Variants in RNF38 observed in about 807,000 individuals in gnomAD.
RNF38 encodes ring finger protein 38.
A neutral mutation model predicts 67.2 loss-of-function variants in RNF38; 15 were observed. That is an observed-to-expected ratio of 0.22 (90% confidence interval 0.15 to 0.34). The LOEUF is 0.34. Among genes scored for constraint, RNF38 ranks in the 10% least tolerant of loss-of-function variants. The probability of loss-of-function intolerance (pLI) is 1.00; values close to 1 mark genes in which losing one functional copy is unlikely to be tolerated. For missense variants in RNF38, 524 were observed against 639.9 expected (o/e 0.82, Z 1.95); for synonymous variants, 220 against 218.8 (o/e 1.01, Z -0.05).
chr9:36,432,061 CCTT>C (rs1838944216), intron 1 of RNF38, among the ~76,000 whole-genome samples: 1 of 152,178 alleles, frequency 6.6e-6, no homozygotes, highest in Non-Finnish European at 1.5e-5. Flanking sequence ...GTGGTCCACT[CCTT>C]GAGTTGTGAG....
At chr9:36,382,403 C>A (rs1327950930) in intron 2 of RNF38, among the ~76,000 whole-genome samples, 4 of 152,130 alleles carry the variant, frequency 2.6e-5, no homozygotes, top group Admixed American at 2.6e-4. Context: ...TAACACCAAA[C>A]CATTTTTATT....
chr9:36,368,598 T>C (rs140366899), intron 4 of RNF38, among the ~76,000 whole-genome samples: 2 of 152,338 alleles, frequency 1.3e-5, no homozygotes, highest in East Asian at 3.9e-4. Context: ...TTTATATCCA[T>C]ACTTTTATCA....
At chr9:36,397,215 AAGC>A (rs1160874755) in intron 1 of RNF38, among the ~76,000 whole-genome samples, 1 of 151,478 alleles carries the variant, frequency 6.6e-6, no homozygotes, top group Non-Finnish European at 1.5e-5. Flanking sequence ...TCCTGGGTTC[AAGC>A]AATTCTCCTG....
At position 36,423,482 on chromosome 9, in the gene RNF38, G is replaced by A. The variant is rs917776506; in HGVS notation, n.312+1131C>T. On this transcript the variant is annotated intron_variant and non_coding_transcript_variant, in intron 2 of 3. Coordinates refer to the RNF38 transcript ENST00000488058. The stretch of plus-strand genomic sequence containing the variant: ...ATTGGTCTGCACTGGAAACTACCAA[G>A]GGAGTGATAGATTCCTGCATATAAC... Among the ~76,000 whole-genome samples, 20 of 152,336 alleles carry A rather than the reference G, an allele frequency of 1.3e-4. 1 individual carries two copies. Among genetic ancestry groups the A allele is most frequent in the Admixed American group, 2.6e-4 (4 of 15,286 alleles).
At chr9:36,397,033 G>GTATATACACATGTA (rs1837569228) in intron 1 of RNF38, among the ~76,000 whole-genome samples, 2 of 143,890 alleles carry the variant, frequency 1.4e-5, no homozygotes, top group African/African-American at 5.2e-5. Flanking sequence ...GTGTATATAC[G>GTATATACACATGTA]TATATACGTA....
intron 4 of RNF38, among the ~76,000 whole-genome samples, chr9:36,364,062 TCA>T (rs1360861747): frequency 6.1e-4 from 26 of 42,642 alleles, no homozygotes; most frequent in Non-Finnish European, 1.4e-3. Flanking sequence ...ACTCTTGACC[TCA>T]AGGGATCTGC....
intron 2 of RNF38, among the ~76,000 whole-genome samples, chr9:36,421,971 C>T (rs1838640296): frequency 1.3e-5 from 2 of 152,168 alleles, no homozygotes; most frequent in African/African-American, 4.8e-5. Context: ...GTGGCTCACA[C>T]CTGTAATCCA....
chr9:36,431,466 T>C (rs1402487729), intron 1 of RNF38, among the ~76,000 whole-genome samples: 1 of 152,242 alleles, frequency 6.6e-6, no homozygotes, highest in Non-Finnish European at 1.5e-5. Flanking sequence ...GTCATATACA[T>C]AGTCCCTCTT....
In RNF38 at chr9:36,423,308, T is replaced by C. The variant is rs1398250738; in HGVS notation, n.312+1305A>G. 2.0e-5 allele frequency among the ~76,000 whole-genome samples: 3 copies of C among 152,258 alleles called. No homozygotes were observed. The East Asian group carries it at 5.8e-4, about 29-fold the overall frequency. ...CTCTCTGTAAAGAGAGTGAAATCAG[T>C]CTGAACAAAGCTCACAAAGACAGAG... On this transcript the variant is annotated intron_variant and non_coding_transcript_variant, in intron 2 of 3. Coordinates refer to the RNF38 transcript ENST00000488058.
At chr9:36,397,612 C>T (rs2243901) in intron 1 of RNF38, among the ~76,000 whole-genome samples, 8,196 of 152,084 alleles carry the variant, frequency 0.054, 699 homozygotes, top group African/African-American at 0.18. Context: ...TGTGTGAAAA[C>T]AGCCTAAGGC....
chr9:36,480,544 T>C (rs1443118252), intron 1 of RNF38, among the ~76,000 whole-genome samples: 1 of 123,602 alleles, frequency 8.1e-6, no homozygotes. Context: ...GTTTTTTTCT[T>C]TTTCTTTTTT....
At chr9:36,421,701 C>G (rs904350462) in intron 2 of RNF38, among the ~76,000 whole-genome samples, 2 of 151,952 alleles carry the variant, frequency 1.3e-5, no homozygotes, top group Non-Finnish European at 2.9e-5. Flanking sequence ...AAATAAAAAG[C>G]AGGTTGGCGT....
upstream of RNF38, among the ~76,000 whole-genome samples, chr9:36,405,228 T>C (rs1173819900): frequency 6.6e-6 from 1 of 151,958 alleles, no homozygotes; most frequent in Non-Finnish European, 1.5e-5. Context: ...AATCGTGCCT[T>C]TGCACTGCAG....
rs973646310 is a variant in RNF38, at chr9:36,376,242, GA to G, written c.163-116del. The stretch of plus-strand genomic sequence containing the variant: ...CTAAAATCTAAAAATGTAAAGCGGG[GA>G]AAAAAATATATGCTATCAATTCAAA... On this transcript the variant is annotated intron_variant, in intron 2 of 11. Transcript: ENST00000259605. The G allele has an allele frequency of 2.9e-5, 22 of 746,354 alleles. No homozygotes were observed. In the African/African-American group the frequency reaches 3.3e-4, roughly 11 times the overall value. 46.2% of individuals were successfully genotyped at this position (746,354 alleles called of 1,614,324 possible). A position where few individuals can be genotyped will look rare whatever the true frequency, so the allele number is the denominator to read the frequency against.
At chr9:36,424,651 T>C (rs113829218) in exon 2 of RNF38, 2 of 985,858 alleles carry the variant, frequency 2.0e-6, no homozygotes, top group Non-Finnish European at 1.2e-6. Flanking sequence ...TCGTGATGGA[T>C]GGACTGGCAC....
At chr9:36,443,703 G>A (rs1390920087) in intron 1 of RNF38, among the ~76,000 whole-genome samples, 1 of 152,092 alleles carries the variant, frequency 6.6e-6, no homozygotes, top group Non-Finnish European at 1.5e-5. Context: ...AACGCTGAAA[G>A]GCAGGCATAA....
chr9:36,366,440 A>G (rs1043257789), intron 4 of RNF38, among the ~76,000 whole-genome samples: 1 of 152,224 alleles, frequency 6.6e-6, no homozygotes, highest in African/African-American at 2.4e-5. Context: ...TATCTTTTAA[A>G]AAGTTGTTCA....
intron 1 of RNF38, among the ~76,000 whole-genome samples, chr9:36,458,416 C>G (rs1457769824): frequency 1.3e-5 from 2 of 152,184 alleles, no homozygotes; most frequent in African/African-American, 4.8e-5. Context: ...AAGCTTTGTT[C>G]TTTTGCTCTT....
At chr9:36,351,283 A>G (rs922865060) in intron 8 of RNF38, 84 bp from the exon 9 acceptor site, 4 of 852,542 alleles carry the variant, frequency 4.7e-6, no homozygotes, top group East Asian at 2.7e-5. Flanking sequence ...GGCCAGTGCT[A>G]TAAGGATGAA....
Sources: gnomAD v4.1 joint callset for allele counts (sites outside exome capture counted in the v4.1 genomes callset) on GRCh38, gnomAD v4.1.1 for gene constraint, MANE v1.5 for transcripts, NCBI Gene and HGNC (gene_info 2026-07-23, HGNC 2026-07-21) for gene names.